PRKN: variants seen among roughly 807,000 people sequenced by gnomAD.
PRKN encodes the protein E3 ubiquitin-protein ligase parkin.
A neutral mutation model predicts 59.5 loss-of-function variants in PRKN; 56 were observed. The observed-to-expected ratio is 0.94, with a 90% CI of 0.76 to 1.18. PRKN has a LOEUF of 1.18. PRKN is among the 50% of genes most tolerant of loss of function. The pLI, the probability that PRKN is intolerant of heterozygous loss-of-function variation, is 0.00. For synonymous variants in PRKN, 250 were observed against 222.1 expected (o/e 1.13, Z -1.12); for missense variants, 657 against 596.4 (o/e 1.10, Z -1.06).
At chr6:162,499,232 G>A (rs1208466884) in intron 1 of PRKN, among the ~76,000 whole-genome samples, 1 of 152,048 alleles carries the variant, frequency 6.6e-6, no homozygotes, top group Non-Finnish European at 1.5e-5. Context: ...TCTCTGCAAG[G>A]AATAGTTTTC....
At chr6:161,680,765 ATATATATATATTT>A (rs1441530266) in intron 7 of PRKN, among the ~76,000 whole-genome samples, 3 of 10,888 alleles carry the variant, frequency 2.8e-4, no homozygotes, top group African/African-American at 8.4e-4. Context: ...ATATATATAT[ATATATATATATTT>A]TTTTTTTTTT....
intron 8 of PRKN, among the ~76,000 whole-genome samples, chr6:161,555,012 T>C (rs554508320): frequency 6.6e-6 from 1 of 152,254 alleles, no homozygotes; most frequent in East Asian, 1.9e-4. Flanking sequence ...AAAGTTGTAC[T>C]GAATTTAGTT....
At chr6:162,014,659 G>T (rs79843024) in intron 5 of PRKN, among the ~76,000 whole-genome samples, 8,538 of 152,212 alleles carry the variant, frequency 0.056, 326 homozygotes, top group Middle Eastern at 0.11. Context: ...AGTGAGTGAT[G>T]AAAGGTTTAA....
intron 4 of PRKN, among the ~76,000 whole-genome samples, chr6:162,092,575 T>C (rs58371083): frequency 0.094 from 14,282 of 152,206 alleles, 817 homozygotes; most frequent in African/African-American, 0.16. Context: ...TAAATATACA[T>C]ATGTGGGTCA....
chr6:162,219,603 G>C (rs1236594958), intron 3 of PRKN, among the ~76,000 whole-genome samples: 1 of 148,546 alleles, frequency 6.7e-6, no homozygotes, highest in African/African-American at 2.5e-5. Context: ...ATGGTCCTCC[G>C]CAGCATGGAG....
chr6:161,692,947 CAAAAAAA>C (rs59954623), intron 7 of PRKN, among the ~76,000 whole-genome samples: 65 of 120,878 alleles, frequency 5.4e-4, no homozygotes, highest in Middle Eastern at 4.3e-3. Flanking sequence ...GACTCTGTCT[CAAAAAAA>C]AAAAAAAAAA....
intron 1 of PRKN, among the ~76,000 whole-genome samples, chr6:162,694,259 A>G (rs531330111): frequency 2.2e-5 from 3 of 139,186 alleles, no homozygotes; most frequent in African/African-American, 7.8e-5. Flanking sequence ...AAAAAAAAAG[A>G]AGAAATATGG....
At chr6:162,051,497 G>T (rs535940548) in intron 5 of PRKN, among the ~76,000 whole-genome samples, 16 of 152,318 alleles carry the variant, frequency 1.1e-4, no homozygotes, top group African/African-American at 3.8e-4. Flanking sequence ...ACGCGCCTCC[G>T]CATCCTCGTT....
chr6:161,985,771 C>T (rs1318327230), intron 5 of PRKN, among the ~76,000 whole-genome samples: 2 of 152,144 alleles, frequency 1.3e-5, no homozygotes, highest in East Asian at 3.9e-4. Flanking sequence ...TCACTGCCTC[C>T]CACCTCACCT....
At chr6:162,358,278 T>C (rs917496011) in intron 2 of PRKN, among the ~76,000 whole-genome samples, 1 of 152,170 alleles carries the variant, frequency 6.6e-6, no homozygotes, top group African/African-American at 2.4e-5. Context: ...GTTTGGAATA[T>C]TTTTCGAAAT....
At chr6:162,497,794 G>C (rs1165124706) in intron 1 of PRKN, among the ~76,000 whole-genome samples, 1 of 152,112 alleles carries the variant, frequency 6.6e-6, no homozygotes, top group Non-Finnish European at 1.5e-5. Flanking sequence ...AAAAGAGGTT[G>C]GTTAATGGAA....
chr6:161,874,276 T>A lies in PRKN; in HGVS notation c.735-88368A>T, dbSNP rs1562354651. Among the ~76,000 whole-genome samples, 31 of 31,406 alleles carry A rather than the reference T, an allele frequency of 9.9e-4. 10 individuals carry two copies. Among genetic ancestry groups the A allele is most frequent in the African/African-American group, 2.2e-3 (18 of 8,182 alleles). The allele number at this position is 31,406 out of a possible 152,430, so 20.6% of individuals were successfully genotyped here. Reference sequence around the variant, plus strand: ...TATATTATATGTAAAATATATAATATATATTATATATTATATATTACATGT... The same window carrying A: ...TATATTATATGTAAAATATATAATAAATATTATATATTATATATTACATGT... On this transcript the variant is annotated intron_variant, in intron 6 of 11. Coordinates refer to ENST00000366898, the MANE Select transcript of PRKN (RefSeq NM_004562.3).
rs1790090779 is a variant in PRKN at position 161,458,994 on chromosome 6, A to G, written c.1084-72117T>C. Among the ~76,000 whole-genome samples, 2 of 152,160 alleles carry G rather than the reference A, an allele frequency of 1.3e-5. No individual in the cohort carries two copies. The highest frequency in any genetic ancestry group is 6.5e-5 in the Admixed American group (1 of 15,276). ...CATCTTATCTGGAGGGAAGACAGGAATGAAAACCATGATAGTATCCAGGAG... is the reference window on the plus strand; with the variant it reads ...CATCTTATCTGGAGGGAAGACAGGAGTGAAAACCATGATAGTATCCAGGAG... On this transcript the variant is annotated intron_variant, in intron 9 of 11. Coordinates refer to ENST00000366898, the MANE Select transcript of PRKN (RefSeq NM_004562.3). This position sits in a 1 kb window ranked among gnomAD's most constrained non-coding sequence, Gnocchi z 6.1.
intron 2 of PRKN, among the ~76,000 whole-genome samples, chr6:162,438,382 T>C (rs1789884785): frequency 6.6e-6 from 1 of 152,234 alleles, no homozygotes; most frequent in South Asian, 2.1e-4. Flanking sequence ...ACTATGTTTT[T>C]CCCTCCTTCC....
chr6:162,063,051 T>C (rs1778167602), intron 4 of PRKN, among the ~76,000 whole-genome samples: 2 of 152,164 alleles, frequency 1.3e-5, no homozygotes, highest in Non-Finnish European at 2.9e-5. Context: ...TTTATAACCT[T>C]GGAACAGGTA....
intron 4 of PRKN, among the ~76,000 whole-genome samples, chr6:162,165,856 C>G (rs894906911): frequency 2.0e-5 from 3 of 151,848 alleles, no homozygotes; most frequent in Non-Finnish European, 4.4e-5. Flanking sequence ...CAAGACCAGC[C>G]TGGCCAACAT....
chr6:162,477,236 C>T (rs1792065009), intron 1 of PRKN, among the ~76,000 whole-genome samples: 1 of 152,114 alleles, frequency 6.6e-6, no homozygotes, highest in African/African-American at 2.4e-5. Context: ...TTCATCATTG[C>T]CCACCAACTT....
chr6:161,637,002 C>T (rs1404085558), intron 7 of PRKN, among the ~76,000 whole-genome samples: 1 of 152,178 alleles, frequency 6.6e-6, no homozygotes, highest in Non-Finnish European at 1.5e-5. Context: ...TAAAATGCCT[C>T]ATCAGAATGT....
intron 7 of PRKN, among the ~76,000 whole-genome samples, chr6:161,709,286 A>G (rs1786641870): frequency 6.6e-6 from 1 of 152,206 alleles, no homozygotes; most frequent in Non-Finnish European, 1.5e-5. Context: ...ATACAATTTT[A>G]ATTACTTTAA....
Sources: gnomAD v4.1 joint callset for allele counts (sites outside exome capture counted in the v4.1 genomes callset) on GRCh38, gnomAD v4.1.1 for gene constraint, Gnocchi (gnomAD v3.1) non-coding constraint, MANE v1.5 for transcripts, NCBI Gene and HGNC (gene_info 2026-07-23, HGNC 2026-07-21) for gene names.